The following DNM3 variants were observed in gnomAD, a reference collection of about 807,000 sequenced individuals.
DNM3 encodes the protein dynamin-3.
DNM3 carries 47 observed loss-of-function variants against 101.6 expected under a neutral mutation model. That is an observed-to-expected ratio of 0.46 (90% confidence interval 0.37 to 0.59). The LOEUF (loss-of-function observed/expected upper bound fraction) is 0.59. DNM3 is among the 20% of genes least tolerant of loss of function. The pLI, the probability that DNM3 is intolerant of heterozygous loss-of-function variation, is 0.00. For synonymous variants in DNM3, 385 were observed against 387.9 expected (o/e 0.99, Z 0.09); for missense variants, 849 against 1,085.7 (o/e 0.78, Z 3.06).
intron 1 of DNM3, among the ~76,000 whole-genome samples, chr1:171,875,061 A>G (rs1331346110): frequency 6.6e-6 from 1 of 151,870 alleles, no homozygotes; most frequent in Non-Finnish European, 1.5e-5. Context: ...TCTTTATCCA[A>G]TTTACTGTTG....
chr1:171,897,436 C>T (rs1489978604), intron 1 of DNM3, among the ~76,000 whole-genome samples: 2 of 152,158 alleles, frequency 1.3e-5, no homozygotes, highest in African/African-American at 4.8e-5. Context: ...AACTCTTCAG[C>T]TATTATCCTC....
intron 1 of DNM3, among the ~76,000 whole-genome samples, chr1:171,849,334 A>G (rs2032624767): frequency 6.6e-6 from 1 of 152,186 alleles, no homozygotes; most frequent in Admixed American, 6.5e-5. Context: ...CTTCATCTGC[A>G]AAATAGGGAT....
chr1:172,119,580 C>T lies in DNM3; in HGVS notation c.1546-11595C>T, dbSNP rs1572595008. ...TCAGCGCTCAGTCCTGGGCCCTCTT[C>T]TCTTCTCACCCAAATGCTCATTTTA... is the stretch of plus-strand genomic sequence containing the variant. On this transcript the variant is annotated intron_variant, in intron 13 of 20. Coordinates refer to ENST00000627582, the MANE Select transcript of DNM3 (RefSeq NM_015569.5). 3.3e-5 allele frequency among the ~76,000 whole-genome samples: 5 copies of T among 152,222 alleles called. No individual in the cohort carries two copies. In the South Asian group the frequency reaches 8.3e-4, roughly 25 times the overall value.
chr1:171,952,972 GAGTT>G (rs1412222759), intron 2 of DNM3, among the ~76,000 whole-genome samples: 1 of 152,150 alleles, frequency 6.6e-6, no homozygotes, highest in East Asian at 1.9e-4. Flanking sequence ...TCAATTCAGA[GAGTT>G]AGTTATTATG....
At chr1:171,842,754 A>G (rs2031466777) in intron 1 of DNM3, among the ~76,000 whole-genome samples, 1 of 152,218 alleles carries the variant, frequency 6.6e-6, no homozygotes, top group South Asian at 2.1e-4. Context: ...CTCTTAATAC[A>G]GAAACAGCTA....
intron 2 of DNM3, among the ~76,000 whole-genome samples, chr1:171,985,971 A>C (rs573172884): frequency 6.6e-6 from 1 of 152,180 alleles, no homozygotes; most frequent in East Asian, 1.9e-4. Context: ...CAAAAGTTGG[A>C]CTAGTGGAAT....
At chr1:171,849,808 A>G (rs2032703061) in intron 1 of DNM3, among the ~76,000 whole-genome samples, 1 of 152,206 alleles carries the variant, frequency 6.6e-6, no homozygotes, top group Admixed American at 6.5e-5. Context: ...TTAATTTAGA[A>G]ATAAAAAAGA....
chr1:171,863,716 T>G (rs146042960), intron 1 of DNM3, among the ~76,000 whole-genome samples: 5 of 152,280 alleles, frequency 3.3e-5, no homozygotes, highest in Admixed American at 6.5e-5. Context: ...GTTCCTAGAA[T>G]GCAGCAAGCC....
intron 4 of DNM3, among the ~76,000 whole-genome samples, chr1:171,990,152 A>G (rs1351436703): frequency 2.6e-5 from 4 of 152,112 alleles, no homozygotes; most frequent in Admixed American, 2.6e-4. Flanking sequence ...GACTTTAGTG[A>G]GAGCTTTTTG....
chr1:172,310,927 C>T (rs1207709671), intron 16 of DNM3: 2 of 152,186 alleles, frequency 1.3e-5, no homozygotes, highest in Non-Finnish European at 2.9e-5. Context: ...TCAAGCAGGG[C>T]TGTTGTGTCA....
At chr1:172,001,416 G>C (rs1161606739) in intron 4 of DNM3, among the ~76,000 whole-genome samples, 2 of 151,948 alleles carry the variant, frequency 1.3e-5, no homozygotes, top group African/African-American at 4.8e-5. Context: ...AGAGGAGTTA[G>C]TGGTGGTGTT....
chr1:172,359,760 C>CT (rs1220565748), intron 17 of DNM3, among the ~76,000 whole-genome samples: 3 of 151,972 alleles, frequency 2.0e-5, no homozygotes, highest in Non-Finnish European at 4.4e-5. Context: ...CTGGGAAGGA[C>CT]TATTTTCACA....
At chr1:172,182,243 G>T (rs917369711) in intron 14 of DNM3, among the ~76,000 whole-genome samples, 1 of 151,372 alleles carries the variant, frequency 6.6e-6, no homozygotes, top group African/African-American at 2.4e-5. Context: ...ACAAAAAAAC[G>T]ATTTCTCTAA....
chr1:171,918,621 T>C (rs994414098), intron 1 of DNM3, among the ~76,000 whole-genome samples: 3 of 152,182 alleles, frequency 2.0e-5, no homozygotes, highest in African/African-American at 4.8e-5. Context: ...AATTTTTGGC[T>C]TTTGGTGAGA....
In DNM3 at chr1:171,924,973, C is replaced by T. The variant is rs575085770; in HGVS notation, c.235+3152C>T. Among the ~76,000 whole-genome samples the T allele has an allele frequency of 3.1e-3, 472 of 151,028 alleles. 4 individuals carry two copies. Among genetic ancestry groups the T allele is most frequent in the African/African-American group, 0.011 (432 of 41,044 alleles). On this transcript the variant is annotated intron_variant, in intron 2 of 20. Transcript: ENST00000627582. ...GGAGTGCAGTGGCGGGATCTCGGCT[C>T]GCTGCAACCTCTGCCTCCTGGGTTC...
At chr1:171,991,394 T>C (rs2125630378) in intron 4 of DNM3, among the ~76,000 whole-genome samples, 1 of 152,240 alleles carries the variant, frequency 6.6e-6, no homozygotes, top group East Asian at 1.9e-4. Flanking sequence ...AACCTTCTTC[T>C]TGTGTTCTAT....
intron 1 of DNM3, among the ~76,000 whole-genome samples, chr1:171,861,857 A>G (rs1243299995): frequency 6.6e-6 from 1 of 152,204 alleles, no homozygotes; most frequent in Admixed American, 6.5e-5. Flanking sequence ...GGGAACTAGC[A>G]TCCTGAATAC....
At chr1:172,098,634 T>C (rs1221017679) in intron 13 of DNM3, among the ~76,000 whole-genome samples, 2 of 152,214 alleles carry the variant, frequency 1.3e-5, no homozygotes, top group African/African-American at 4.8e-5. Flanking sequence ...AAGTGATAAG[T>C]GTCCATGAAA....
chr1:171,846,519 G>T (rs1420880982), intron 1 of DNM3, among the ~76,000 whole-genome samples: 2 of 152,098 alleles, frequency 1.3e-5, no homozygotes, highest in African/African-American at 4.8e-5. Flanking sequence ...TAGAGTGTTA[G>T]GTATTCTTCT....
Sources: allele counts gnomAD v4.1 joint callset (sites outside exome capture counted in the v4.1 genomes callset), GRCh38; gene constraint gnomAD v4.1.1; transcripts MANE v1.5; gene names NCBI Gene and HGNC (gene_info 2026-07-23, HGNC 2026-07-21).